LNP1: variants seen among roughly 807,000 people sequenced by gnomAD.
The protein encoded by LNP1 is leukemia NUP98 fusion partner 1.
In LNP1, 12 loss-of-function variants were observed where a neutral mutation model predicts 14.5. The ratio of observed to expected loss-of-function variants is 0.83; its 90% CI spans 0.53 to 1.34. The LOEUF is 1.34. Ranked by LOEUF, LNP1 falls within the 40% of genes most tolerant of loss-of-function variation. The pLI is 0.00. For synonymous variants in LNP1, 75 were observed against 71.4 expected (o/e 1.05, Z -0.26); for missense variants, 198 against 210.9 (o/e 0.94, Z 0.38).
At chr3:100,446,952 C>T (rs1707393998) in intron 2 of LNP1, among the ~76,000 whole-genome samples, 1 of 152,168 alleles carries the variant, frequency 6.6e-6, no homozygotes, top group African/African-American at 2.4e-5. Context: ...CAGGAAACAA[C>T]AGGTGCTGGA....
At chr3:100,416,922 C>T (rs1707090199) in intron 1 of LNP1, among the ~76,000 whole-genome samples, 1 of 151,866 alleles carries the variant, frequency 6.6e-6, no homozygotes. Flanking sequence ...TATGTTGTTC[C>T]CCTTGAGTTC....
intron 1 of LNP1, among the ~76,000 whole-genome samples, chr3:100,427,808 A>G (rs530240560): frequency 5.9e-5 from 9 of 152,342 alleles, no homozygotes; most frequent in Admixed American, 1.3e-4. Context: ...GTCCCACAGG[A>G]TGTGCTTAAT....
chr3:100,450,332 ATT>A (rs1346496509), intron 2 of LNP1, among the ~76,000 whole-genome samples: 15 of 138,890 alleles, frequency 1.1e-4, no homozygotes, highest in Admixed American at 7.3e-5. Flanking sequence ...CTGGATGTTA[ATT>A]TTTTTTTTTT....
In LNP1 at chr3:100,451,893, T is replaced by G; in HGVS notation, c.331T>G (p.Phe111Val). 1 of 1,500,134 alleles carries G rather than the reference T, an allele frequency of 6.7e-7. No individual in the cohort carries two copies. The highest frequency in any genetic ancestry group is 8.9e-7 in the Non-Finnish European group (1 of 1,122,840). The allele number at this position is 1,500,134 out of a possible 1,614,324, so 92.9% of individuals were successfully genotyped here. A position where few individuals can be genotyped will look rare whatever the true frequency, so the allele number is the denominator to read the frequency against. The change falls in exon 3 of 4, where the codon TTT becomes GTT. Residue 111 changes from phenylalanine (F) to valine (V), a missense_variant. Coordinates refer to ENST00000383693, the MANE Select transcript of LNP1 (RefSeq NM_001085451.2). Reference sequence around the variant, plus strand: ...AAGATCCCATTCCAAAATTGAGAAATTTTCAGAGTCCTTTGAACGGCAACT... The same window carrying G: ...AAGATCCCATTCCAAAATTGAGAAAGTTTCAGAGTCCTTTGAACGGCAACT... ...KGRSHSKIEKFSESFERQLCF... is the reference protein window; with the variant it reads ...KGRSHSKIEKVSESFERQLCF...
At chr3:100,455,032 G>A (rs1707497129) in intron 3 of LNP1, among the ~76,000 whole-genome samples, 2 of 152,114 alleles carry the variant, frequency 1.3e-5, no homozygotes, top group Non-Finnish European at 2.9e-5. Context: ...CCTTTGAAAG[G>A]CACCCTCTGG....
Position 100,402,419 on chromosome 3 carries a change from C to T in LNP1, c.-54C>T, listed in dbSNP as rs1472579606. 6.6e-6 allele frequency: 1 copy of T among 152,192 alleles called. No homozygotes were observed. The highest frequency in any genetic ancestry group is 1.9e-4 in the East Asian group (1 of 5,194). 9.4% of individuals were successfully genotyped at this position (152,192 alleles called of 1,614,324 possible). On this transcript the variant is annotated 5_prime_UTR_variant, in exon 1 of 4. Coordinates refer to ENST00000383693, the MANE Select transcript of LNP1 (RefSeq NM_001085451.2). The stretch of plus-strand genomic sequence containing the variant: ...GCCTAATTGGAAAGAATTTCAGGAT[C>T]ACCGGTTTCTCCTGCTTCATGTAAG...
intron 2 of LNP1, among the ~76,000 whole-genome samples, chr3:100,445,085 C>G (rs900908307): frequency 6.6e-6 from 1 of 151,986 alleles, no homozygotes; most frequent in Non-Finnish European, 1.5e-5. Context: ...CCAGTCTGAC[C>G]AACATGGTGA....
chr3:100,429,596 G>T, intron 1 of LNP1, 101 bp from the exon 2 acceptor site: 1 of 746,104 alleles, frequency 1.3e-6, no homozygotes, highest in Non-Finnish European at 2.3e-6. Flanking sequence ...TGCCAGTATC[G>T]GAGACCATTT....
rs1002880878 is a variant in LNP1, at chr3:100,418,166, TCTC to T, written c.-33-11528_-33-11526del. ...CCTCTGCCTCCTGGGTTCAAGCAAA[TCTC>T]CTGCCTCAGTCTCCTGAGTAGCTGG... is the stretch of plus-strand genomic sequence containing the variant. On this transcript the variant is annotated intron_variant, in intron 1 of 3. Transcript: ENST00000383693. Among the ~76,000 whole-genome samples the T allele has an allele frequency of 2.1e-4, 32 of 149,168 alleles. 1 individual carries two copies. The highest frequency in any genetic ancestry group is 7.7e-4 in the African/African-American group (31 of 40,494).
Position 100,451,753 on chromosome 3 carries a change from G to GTCATCCTAGAAGGCATTCTCATGAGGA in LNP1, c.191_192insTCATCCTAGAAGGCATTCTCATGAGGA (p.His65_Asp73dup). 6.2e-7 allele frequency: 1 copy of GTCATCCTAGAAGGCATTCTCATGAGGA among 1,612,026 alleles called. No individual in the cohort carries two copies. Among genetic ancestry groups the GTCATCCTAGAAGGCATTCTCATGAGGA allele is most frequent in the Non-Finnish European group, 8.5e-7 (1 of 1,178,148 alleles). ...CTTCCCAGAATTCCATCATCTGACTGCCATCCTAGAAGGCATTCTCATGAG... is the reference window on the plus strand; with the variant it reads ...CTTCCCAGAATTCCATCATCTGACTGTCATCCTAGAAGGCATTCTCATGAGGACCATCCTAGAAGGCATTCTCATGAG... On this transcript the variant is annotated inframe_insertion, in exon 3 of 4. Coordinates refer to ENST00000383693, the MANE Select transcript of LNP1 (RefSeq NM_001085451.2).
intron 2 of LNP1, among the ~76,000 whole-genome samples, chr3:100,442,337 T>C (rs944576286): frequency 2.0e-5 from 3 of 152,194 alleles, no homozygotes; most frequent in African/African-American, 4.8e-5. Flanking sequence ...ATTTAGGAAG[T>C]TTATTTTGCC....
chr3:100,414,411 G>A (rs1219357428), intron 1 of LNP1, among the ~76,000 whole-genome samples: 2 of 152,086 alleles, frequency 1.3e-5, no homozygotes, highest in African/African-American at 2.4e-5. Flanking sequence ...GCTGGGCATG[G>A]TGGCAGGCAC....
At chr3:100,455,676 C>A in intron 3 of LNP1, 101 bp from the exon 4 acceptor site, 1 of 1,149,168 alleles carries the variant, frequency 8.7e-7, no homozygotes, top group Non-Finnish European at 1.3e-6. Context: ...TGGAAGTCTG[C>A]TAAACCATCA....
At chr3:100,411,421 A>G (rs191971219) in intron 1 of LNP1, among the ~76,000 whole-genome samples, 246 of 152,332 alleles carry the variant, frequency 1.6e-3, no homozygotes, top group African/African-American at 5.7e-3. Flanking sequence ...CTTTTAGCAC[A>G]TTAGGGTGGG....
At chr3:100,451,981 G>A (rs6797397) in intron 3 of LNP1, 32 bp downstream of exon 3, 628,306 of 1,457,670 alleles carry the variant, frequency 0.43, 139,269 homozygotes, top group East Asian at 0.72. Flanking sequence ...TATTTAAGCC[G>A]CTTTAAAAAA....
At chr3:100,423,154 G>C (rs1174595552) in intron 1 of LNP1, among the ~76,000 whole-genome samples, 2 of 152,020 alleles carry the variant, frequency 1.3e-5, no homozygotes, top group Non-Finnish European at 2.9e-5. Context: ...AACCACTGAT[G>C]TATTTTGACC....
chr3:100,432,397 A>G (rs1707251439), intron 2 of LNP1, among the ~76,000 whole-genome samples: 1 of 152,126 alleles, frequency 6.6e-6, no homozygotes, highest in South Asian at 2.1e-4. Context: ...TTTATTGAAC[A>G]CCTACTGTGA....
At position 100,455,906 on chromosome 3, in the gene LNP1, T is replaced by A; in HGVS notation, c.517T>A (p.Phe173Ile). The change falls in exon 4 of 4, where the codon TTT (phenylalanine) becomes ATT (isoleucine). Residue 173 changes from phenylalanine (F) to isoleucine (I), a missense_variant. By Grantham distance (21) the Phe-to-Ile change is conservative. Coordinates refer to ENST00000383693, the MANE Select transcript of LNP1 (RefSeq NM_001085451.2). ...EHGEAHMAPL[F>I]EKGPE is the part of the protein sequence containing the mutation. ...TGGAGAAGCACACATGGCTCCCCTG[T>A]TTGAAAAAGGGCCTGAATAATACTC... 1 of 1,610,514 alleles carries A rather than the reference T, an allele frequency of 6.2e-7. No individual in the cohort carries two copies. Among genetic ancestry groups the A allele is most frequent in the Non-Finnish European group, 8.5e-7 (1 of 1,179,122 alleles).
intron 2 of LNP1, among the ~76,000 whole-genome samples, chr3:100,437,598 T>C (rs1385783621): frequency 6.6e-6 from 1 of 152,222 alleles, no homozygotes; most frequent in South Asian, 2.1e-4. Flanking sequence ...AATATTTGAA[T>C]GTTTTCCCTG....
Sources: gnomAD v4.1 joint callset for allele counts (sites outside exome capture counted in the v4.1 genomes callset) on GRCh38, gnomAD v4.1.1 for gene constraint, MANE v1.5 for transcripts, NCBI Gene and HGNC (gene_info 2026-07-23, HGNC 2026-07-21) for gene names.